BTD: variants seen among roughly 807,000 people sequenced by gnomAD.
BTD encodes biocytinase.
Under a neutral mutation model 17.7 loss-of-function variants are expected in BTD, and 13 were observed. The ratio of observed to expected loss-of-function variants is 0.74; its 90% CI spans 0.48 to 1.17. The LOEUF (loss-of-function observed/expected upper bound fraction) is 1.17. Ranked by LOEUF, BTD falls within the 50% of genes most tolerant of loss-of-function variation. The probability of loss-of-function intolerance (pLI) is 0.00; values close to 1 mark genes in which losing one functional copy is unlikely to be tolerated. For missense variants in BTD, 674 were observed against 650.4 expected (o/e 1.04, Z -0.39); for synonymous variants, 240 against 245.2 (o/e 0.98, Z 0.20).
At chr3:15,692,748 T>C (rs1287410064) in intron 3 of BTD, among the ~76,000 whole-genome samples, 1 of 152,254 alleles carries the variant, frequency 6.6e-6, no homozygotes. Flanking sequence ...GGTATAATCA[T>C]ATTTCATTAA....
In BTD at chr3:15,635,178, T is replaced by C. The variant is rs1029003806; in HGVS notation, c.-16-246T>C. Among the ~76,000 whole-genome samples the C allele has an allele frequency of 1.3e-5, 2 of 152,230 alleles. No homozygotes were observed. Among genetic ancestry groups the C allele is most frequent in the East Asian group, 1.9e-4 (1 of 5,204 alleles). ...CTGGGTAAGAAAATCATAGCAAACG[T>C]TGAGTCTGTTTTGGAAATGTTCTAA... On this transcript the variant is annotated intron_variant, in intron 1 of 3. Coordinates refer to ENST00000643237, the MANE Select transcript of BTD (RefSeq NM_001370658.1). The surrounding 1 kb of genome is among the most constrained non-coding windows in gnomAD (Gnocchi z 4.1).
chr3:15,666,037 G>A (rs2065982115), intron 3 of BTD, among the ~76,000 whole-genome samples: 1 of 152,150 alleles, frequency 6.6e-6, no homozygotes, highest in Admixed American at 6.5e-5. Flanking sequence ...CAACTGAAAT[G>A]TAAGAAGACA....
intron 3 of BTD, chr3:15,683,954 TAA>T (rs1490119584): frequency 6.6e-6 from 1 of 152,164 alleles, no homozygotes; most frequent in Non-Finnish European, 1.5e-5. Flanking sequence ...GGTATTTATA[TAA>T]AGAGACAACT....
chr3:15,706,062 AT>A (rs892382098), intron 3 of BTD, among the ~76,000 whole-genome samples: 16 of 149,144 alleles, frequency 1.1e-4, no homozygotes, highest in East Asian at 5.9e-4. Flanking sequence ...AACCCCTAGA[AT>A]TTTTTTTTTG....
At chr3:15,629,983 T>C in intron 1 of BTD, 7 of 935,190 alleles carry the variant, frequency 7.5e-6, no homozygotes, top group Non-Finnish European at 8.9e-6. Context: ...TGGCATTGAT[T>C]GTAGATCCCT....
At chr3:15,632,782 A>G (rs2065245654) in intron 1 of BTD, 1 of 152,528 alleles carries the variant, frequency 6.6e-6, no homozygotes, top group South Asian at 2.1e-4. Context: ...TAGTCCTGCC[A>G]CTTTACAACT....
At chr3:15,670,405 T>C (rs1255404429) in intron 3 of BTD, 1 of 1,613,960 alleles carries the variant, frequency 6.2e-7, no homozygotes, top group East Asian at 2.2e-5. Context: ...CAAAGCTGAC[T>C]GTTTTTGAGG....
At chr3:15,708,444 C>G (rs1199396072) in intron 3 of BTD, among the ~76,000 whole-genome samples, 1 of 151,892 alleles carries the variant, frequency 6.6e-6, no homozygotes, top group Non-Finnish European at 1.5e-5. Flanking sequence ...GTAGCAATTT[C>G]TATTCATGTC....
exon 4 of BTD, chr3:15,712,367 T>G (rs1261800248): frequency 1.0e-5 from 7 of 690,880 alleles, no homozygotes; most frequent in African/African-American, 3.6e-5. Context: ...GGTTAAAGTT[T>G]GATGGTGGGC....
intron 4 of BTD, chr3:15,720,827 T>C (rs2073648891): frequency 2.6e-6 from 3 of 1,176,248 alleles, no homozygotes; most frequent in Non-Finnish European, 3.6e-6. Context: ...TTATCAATAT[T>C]CCTTTTTATT....
At chr3:15,673,270 A>G (rs1273240967) in intron 3 of BTD, among the ~76,000 whole-genome samples, 1 of 152,252 alleles carries the variant, frequency 6.6e-6, no homozygotes, top group Non-Finnish European at 1.5e-5. Context: ...TTTTAAGTGC[A>G]TCGTTAATAG....
At chr3:15,685,501 A>C (rs3817082) in intron 3 of BTD, 1 of 1,521,318 alleles carries the variant, frequency 6.6e-7, no homozygotes, top group Non-Finnish European at 9.1e-7. Context: ...ATTACATGCC[A>C]ATTTCAGCTA....
rs143376047 is a variant in BTD at position 15,697,139 on chromosome 3, G to A, written c.400-12921G>A. Among the ~76,000 whole-genome samples the A allele has an allele frequency of 4.1e-3, 619 of 152,276 alleles. 1 individual carries two copies. Among genetic ancestry groups the A allele is most frequent in the East Asian group, 0.023 (118 of 5,182 alleles). On this transcript the variant is annotated intron_variant, in intron 3 of 3. Transcript: ENST00000672141. ...AGAAAGGAACAAAATAATAGCATTT[G>A]CAGCAACCTGGAGTTGGAGATCATT...
At chr3:15,712,095 A>AG in exon 4 of BTD, 1 of 1,449,586 alleles carries the variant, frequency 6.9e-7, no homozygotes, top group South Asian at 1.2e-5. Context: ...AAAAATTTTG[A>AG]GGGGTTTGAG....
intron 3 of BTD, chr3:15,689,925 T>C: frequency 8.1e-7 from 1 of 1,230,364 alleles, no homozygotes; most frequent in South Asian, 1.7e-5. Flanking sequence ...GGTCAAAATT[T>C]TAAAGACAAT....
intron 3 of BTD, chr3:15,696,008 A>G: frequency 1.5e-6 from 1 of 681,908 alleles, no homozygotes; most frequent in Non-Finnish European, 2.5e-6. Flanking sequence ...TTTAAGAGGT[A>G]TATAAATTCT....
intron 1 of BTD, among the ~76,000 whole-genome samples, chr3:15,627,531 C>G (rs1036340882): frequency 3.3e-5 from 5 of 152,132 alleles, no homozygotes; most frequent in African/African-American, 9.7e-5. Flanking sequence ...CCTGGCCTCT[C>G]TTGGTAATTT....
At chr3:15,604,361 C>T (rs886952921) in intron 1 of BTD, among the ~76,000 whole-genome samples, 1 of 152,244 alleles carries the variant, frequency 6.6e-6, no homozygotes, top group African/African-American at 2.4e-5. Context: ...TACATTGGCC[C>T]TTTTTAGCCA....
intron 1 of BTD, among the ~76,000 whole-genome samples, chr3:15,633,660 A>G (rs1331580271): frequency 1.3e-5 from 2 of 152,126 alleles, no homozygotes; most frequent in Non-Finnish European, 2.9e-5. Context: ...CCCACTGGGG[A>G]CTGGTTCATA....
Sources: gnomAD v4.1 joint callset for allele counts (sites outside exome capture counted in the v4.1 genomes callset) on GRCh38, gnomAD v4.1.1 for gene constraint, Gnocchi (gnomAD v3.1) non-coding constraint, MANE v1.5 for transcripts, NCBI Gene and HGNC (gene_info 2026-07-23, HGNC 2026-07-21) for gene names.